ARHGAP22: variants seen among roughly 807,000 people sequenced by gnomAD.
The protein encoded by ARHGAP22 is rho GTPase-activating protein 22.
In ARHGAP22, 48 loss-of-function variants were observed where a neutral mutation model predicts 59.1. That is an observed-to-expected ratio of 0.81 (90% CI 0.64 to 1.03). The LOEUF is 1.03. Among genes scored for constraint, ARHGAP22 ranks in the 50% least tolerant of loss-of-function variants. The pLI, the probability that ARHGAP22 is intolerant of heterozygous loss-of-function variation, is 0.00. For synonymous variants in ARHGAP22, 445 were observed against 416.4 expected, an observed-to-expected ratio of 1.07 and a Z score of -0.84; for missense variants, 1,015 against 958.7, an observed-to-expected ratio of 1.06 and a Z score of -0.78.
At chr10:48,583,288 A>G (rs2059228729) in intron 1 of ARHGAP22, 136 bp from the exon 2 acceptor site, 13 of 1,017,920 alleles carry the variant, frequency 1.3e-5, no homozygotes, top group Non-Finnish European at 1.9e-5. Context: ...AGCTGGGCCT[A>G]CTTCCCCTTG....
intron 3 of ARHGAP22, among the ~76,000 whole-genome samples, chr10:48,508,664 C>A (rs977609013): frequency 6.6e-6 from 1 of 152,252 alleles, no homozygotes; most frequent in African/African-American, 2.4e-5. Flanking sequence ...GCTCTAGCCA[C>A]ACCCGCATCC....
chr10:48,588,882 G>A (rs1037720584), intron 1 of ARHGAP22, among the ~76,000 whole-genome samples: 2 of 152,126 alleles, frequency 1.3e-5, no homozygotes, highest in Non-Finnish European at 2.9e-5. Context: ...ATAGACCTCT[G>A]CTGAGGTCCC....
intron 3 of ARHGAP22, among the ~76,000 whole-genome samples, chr10:48,530,575 G>C (rs11101372): frequency 0.87 from 132,468 of 152,144 alleles, 58,280 homozygotes; most frequent in Non-Finnish European, 0.91. Context: ...TCAACAAGAA[G>C]AAAACAAACA....
chr10:48,539,013 A>G (rs889550292), intron 3 of ARHGAP22, among the ~76,000 whole-genome samples: 12 of 152,262 alleles, frequency 7.9e-5, no homozygotes, highest in Admixed American at 7.2e-4. Flanking sequence ...AAATGGAATT[A>G]CTTGAAGATG....
chr10:48,479,662 C>T lies in ARHGAP22; in HGVS notation c.425G>A (p.Arg142Gln), dbSNP rs147285537. The T allele has an allele frequency of 1.0e-4, 164 of 1,613,520 alleles. 1 individual carries two copies. The African/African-American group carries it at 1.9e-3, about 18-fold the overall frequency. Residue 142 changes from arginine to glutamine, a missense_variant, in exon 4 of 10, where the codon CGA (arginine) becomes CAA (glutamine). Transcript: ENST00000249601. ...TCCGCCCAGCGGGGCCCAGATGACT[C>T]GGCGGATGGCCTGCACCCAGTCCTC... The part of the protein sequence containing the change: ...DMEDWVQAIR[R>Q]VIWAPLGGGI...
chr10:48,584,701 T>C (rs2059316442), intron 1 of ARHGAP22, among the ~76,000 whole-genome samples: 1 of 152,216 alleles, frequency 6.6e-6, no homozygotes, highest in Non-Finnish European at 1.5e-5. Flanking sequence ...ACAGTAAATA[T>C]TACATAGTAC....
At chr10:48,546,728 A>T (rs2056470964) in intron 3 of ARHGAP22, 1 of 154,274 alleles carries the variant, frequency 6.5e-6, no homozygotes, top group Non-Finnish European at 1.5e-5. Context: ...GAAGCTAAAG[A>T]TAAAAGTGTC....
intron 1 of ARHGAP22, among the ~76,000 whole-genome samples, chr10:48,585,361 T>C (rs1366971181): frequency 6.6e-6 from 1 of 152,182 alleles, no homozygotes; most frequent in East Asian, 1.9e-4. Context: ...ACGGCCTCCA[T>C]ACTAACATTG....
chr10:48,539,487 T>A (rs1423835056), intron 3 of ARHGAP22, among the ~76,000 whole-genome samples: 1 of 151,294 alleles, frequency 6.6e-6, no homozygotes, highest in African/African-American at 2.4e-5. Context: ...GAGACGGGGT[T>A]TCACCGTTTT....
At chr10:48,504,345 C>CG (rs2051850228) in intron 3 of ARHGAP22, among the ~76,000 whole-genome samples, 1 of 152,156 alleles carries the variant, frequency 6.6e-6, no homozygotes. Flanking sequence ...CTGGTGTGTG[C>CG]AGGATGCTGT....
At chr10:48,436,899 A>G in the ARHGAP22 span, 1 of 152,196 alleles carries the variant, frequency 6.6e-6, no homozygotes, top group East Asian at 1.9e-4. Flanking sequence ...TGGATTCACA[A>G]TTTCAGCAGA....
chr10:48,443,795 A>G (rs191751441), downstream of ARHGAP22: 1 of 152,318 alleles, frequency 6.6e-6, no homozygotes. Context: ...AATAAGATTC[A>G]TTCCTGGTCC....
chr10:48,476,063 CCCA>C (rs2048698211), intron 4 of ARHGAP22, among the ~76,000 whole-genome samples: 2 of 152,198 alleles, frequency 1.3e-5, no homozygotes, highest in Non-Finnish European at 2.9e-5. Context: ...CCCCACTGTG[CCCA>C]CCATCTAACC....
chr10:48,626,716 T>G (rs2061461837), intron 1 of ARHGAP22, among the ~76,000 whole-genome samples: 1 of 152,218 alleles, frequency 6.6e-6, no homozygotes, highest in South Asian at 2.1e-4. Flanking sequence ...CGATGGGAAC[T>G]AGATATTTGA....
At chr10:48,431,970 A>G in the ARHGAP22 span, among the ~76,000 whole-genome samples, 1 of 152,328 alleles carries the variant, frequency 6.6e-6, no homozygotes. Flanking sequence ...TGGATGAGGA[A>G]ACTAAAGTTC....
chr10:48,444,582 G>GAGAC (rs1186167006), downstream of ARHGAP22: 1 of 152,212 alleles, frequency 6.6e-6, no homozygotes, highest in African/African-American at 2.4e-5. Context: ...ATTAATGGTT[G>GAGAC]AGACAGACAG....
chr10:48,509,094 G>T (rs1283336129), intron 3 of ARHGAP22, among the ~76,000 whole-genome samples: 3 of 152,246 alleles, frequency 2.0e-5, no homozygotes, highest in Admixed American at 6.5e-5. Flanking sequence ...CTCATTGTCA[G>T]TCCACCCAAC....
At position 48,533,012 on chromosome 10, in the gene ARHGAP22, T is replaced by C. The variant is rs562778430; in HGVS notation, c.322+22451A>G. On this transcript the variant is annotated intron_variant, in intron 3 of 9. Coordinates refer to ENST00000249601, the MANE Select transcript of ARHGAP22 (RefSeq NM_021226.4). ...CAGAAATGAGGCTTCTTACACCCTC[T>C]CAAAATGTTTTATGCACTTTTAGCA... The C allele has an allele frequency of 1.8e-4, 27 of 152,258 alleles. 1 individual carries two copies. The highest frequency in any genetic ancestry group is 5.8e-4 in the African/African-American group (24 of 41,538). 9.4% of individuals were successfully genotyped at this position (152,258 alleles called of 1,614,324 possible).
At chr10:48,505,566 C>G (rs926695340) in intron 3 of ARHGAP22, among the ~76,000 whole-genome samples, 9 of 152,158 alleles carry the variant, frequency 5.9e-5, no homozygotes, top group Non-Finnish European at 1.0e-4. Flanking sequence ...CATCACAAAA[C>G]CTCCCAGAGC....
Sources: allele counts gnomAD v4.1 joint callset (sites outside exome capture counted in the v4.1 genomes callset), GRCh38; gene constraint gnomAD v4.1.1; transcripts MANE v1.5; gene names NCBI Gene and HGNC (gene_info 2026-07-23, HGNC 2026-07-21).